BDH2: variants seen among roughly 807,000 people sequenced by gnomAD.
The protein encoded by BDH2 is dehydrogenase/reductase SDR family member 6.
BDH2 carries 24 observed loss-of-function variants against 33.2 expected under a neutral mutation model. That is an observed-to-expected ratio of 0.72 (90% CI 0.52 to 1.02). The LOEUF is 1.02. Among genes scored for constraint, BDH2 ranks in the 50% least tolerant of loss-of-function variants. The pLI, the probability that BDH2 is intolerant of heterozygous loss-of-function variation, is 0.00. For missense variants in BDH2, 249 were observed against 301.6 expected, an observed-to-expected ratio of 0.83 and a Z score of 1.29; for synonymous variants, 81 against 101.6, an observed-to-expected ratio of 0.80 and a Z score of 1.22.
intron 1 of BDH2, among the ~76,000 whole-genome samples, chr4:103,098,236 G>A (rs1450435678): frequency 6.6e-6 from 1 of 152,182 alleles, no homozygotes; most frequent in Admixed American, 6.5e-5. Context: ...AGGTGGATTG[G>A]AGAAGTGTTT....
rs869061463 is a variant in BDH2 at position 103,093,756 on chromosome 4, GTAT to G, written c.152-1063_152-1061del. Among the ~76,000 whole-genome samples the G allele has an allele frequency of 2.4e-3, 359 of 146,554 alleles. 2 individuals are homozygous for G. The highest frequency in any genetic ancestry group is 7.2e-3 in the Middle Eastern group (2 of 278). On this transcript the variant is annotated intron_variant, in intron 3 of 9. Transcript: ENST00000296424. ...TATAATATATAATTATCTATAATGT[GTAT>G]TATATTTTATAATTTATAATATATT... is the stretch of plus-strand genomic sequence containing the variant.
chr4:103,083,649 C>T (rs145144408), intron 7 of BDH2, among the ~76,000 whole-genome samples: 1 of 148,696 alleles, frequency 6.7e-6, no homozygotes, highest in Non-Finnish European at 1.5e-5. Context: ...CGGACATAAA[C>T]TGTTCATTCT....
chr4:103,085,582 T>G, intron 6 of BDH2, 120 bp from the exon 7 acceptor site: 1 of 1,432,734 alleles, frequency 7.0e-7, no homozygotes, highest in Non-Finnish European at 9.5e-7. Flanking sequence ...ATTCCTCCCC[T>G]TTTAAAAAGA....
chr4:103,081,053 C>T (rs1456335014), intron 9 of BDH2, among the ~76,000 whole-genome samples: 8 of 152,298 alleles, frequency 5.3e-5, no homozygotes, highest in South Asian at 2.1e-4. Context: ...TCCTCGCTCC[C>T]GCCTAGTCCC....
At chr4:103,084,392 C>A (rs1426438866) in intron 7 of BDH2, among the ~76,000 whole-genome samples, 4 of 152,220 alleles carry the variant, frequency 2.6e-5, no homozygotes, top group Admixed American at 1.3e-4. Context: ...ATACAACCAT[C>A]AGCAGCATCT....
At chr4:103,094,159 T>C (rs1241654438) in intron 3 of BDH2, among the ~76,000 whole-genome samples, 2 of 152,294 alleles carry the variant, frequency 1.3e-5, no homozygotes, top group Middle Eastern at 6.8e-3. Context: ...GGGTTTCTCA[T>C]GATGATGTGT....
In BDH2 at chr4:103,079,358, T is replaced by A. The variant is rs867012551; in HGVS notation, c.*344A>T. 1 of 189,938 alleles carries A rather than the reference T, an allele frequency of 5.3e-6. No individual in the cohort carries two copies. The highest frequency in any genetic ancestry group is 1.1e-4 in the South Asian group (1 of 8,834). The allele number at this position is 189,938 out of a possible 1,614,324, so 11.8% of individuals were successfully genotyped here. A position where few individuals can be genotyped will look rare whatever the true frequency, so the allele number is the denominator to read the frequency against. On this transcript the variant is annotated 3_prime_UTR_variant, in exon 10 of 10. Transcript: ENST00000296424. ...ATCTTGCACTTCCTAGCCTCCAGAC[T>A]GAAAAATAAATGTTTGTTGTCTATG... is the stretch of plus-strand genomic sequence containing the variant.
chr4:103,082,275 C>T, intron 8 of BDH2, 102 bp from the exon 9 acceptor site: 1 of 966,186 alleles, frequency 1.0e-6, no homozygotes. Flanking sequence ...CACTGGCTTG[C>T]TGCCTTGATG....
At position 103,095,113 on chromosome 4, in the gene BDH2, G is replaced by A. The variant is rs1316382300; in HGVS notation, c.151+90C>T. The A allele has an allele frequency of 5.1e-6, 5 of 980,030 alleles. No individual in the cohort carries two copies. The South Asian group carries it at 5.7e-5, about 11-fold the overall frequency. 60.7% of individuals were successfully genotyped at this position (980,030 alleles called of 1,614,324 possible). A position where few individuals can be genotyped will look rare whatever the true frequency, so the allele number is the denominator to read the frequency against. On this transcript the variant is annotated intron_variant, in intron 3 of 9. Transcript: ENST00000296424. Reference sequence around the variant, plus strand: ...AAAAGCACGGCAGTGGAGCTCAGTAGCTAGGGAATTTTCTTTCAACATGTG... The same window carrying A: ...AAAAGCACGGCAGTGGAGCTCAGTAACTAGGGAATTTTCTTTCAACATGTG...
intron 1 of BDH2, among the ~76,000 whole-genome samples, chr4:103,096,626 C>T (rs888046907): frequency 3.3e-5 from 5 of 151,218 alleles, no homozygotes; most frequent in African/African-American, 1.2e-4. Flanking sequence ...CTGCAACCTC[C>T]GCCTTTTAGG....
Position 103,091,281 on chromosome 4 carries a change from C to A in BDH2, c.253G>T (p.Val85Phe). 2.5e-6 allele frequency: 4 copies of A among 1,603,880 alleles called. No individual in the cohort carries two copies. Among genetic ancestry groups the A allele is most frequent in the South Asian group, 1.1e-5 (1 of 90,792 alleles). The stretch of plus-strand genomic sequence containing the variant: ...CAATCCAGGACAGTTCCATGATGGA[C>A]AAAACTAGAAGAGTGATTAAACAAT... The part of the protein sequence containing the change: ...LDVLFNVAGF[V>F]HHGTVLDCEE... Residue 85 changes from valine (V) to phenylalanine (F), a missense_variant, in exon 5 of 10, where the codon GTC (valine) becomes TTC (phenylalanine). Val to Phe is a conservative substitution (Grantham distance 50, BLOSUM62 -1). Transcript: ENST00000296424.
chr4:103,093,087 T>G (rs990106231), intron 3 of BDH2, among the ~76,000 whole-genome samples: 1 of 152,204 alleles, frequency 6.6e-6, no homozygotes, highest in Non-Finnish European at 1.5e-5. Flanking sequence ...CTTTGCAGCT[T>G]TTCTCTTAAT....
At chr4:103,079,894 G>C in intron 9 of BDH2, 139 bp from the exon 10 acceptor site, 1 of 744,714 alleles carries the variant, frequency 1.3e-6, no homozygotes, top group Non-Finnish European at 2.2e-6. Flanking sequence ...CTTAATTCAG[G>C]GAAATCCAAA....
chr4:103,079,881 A>T (rs1329452821), intron 9 of BDH2, 126 bp from the exon 10 acceptor site: 5 of 816,714 alleles, frequency 6.1e-6, no homozygotes, highest in Non-Finnish European at 1.0e-5. Flanking sequence ...CCTCACTTAA[A>T]CACTTAATTC....
intron 5 of BDH2, among the ~76,000 whole-genome samples, chr4:103,088,471 G>A (rs960901982): frequency 1.3e-5 from 2 of 152,146 alleles, no homozygotes; most frequent in Admixed American, 6.5e-5. Flanking sequence ...TTCAACCGAG[G>A]TCCCTCTGCT....
At chr4:103,098,193 C>T (rs2125814449) in intron 1 of BDH2, among the ~76,000 whole-genome samples, 1 of 152,198 alleles carries the variant, frequency 6.6e-6, no homozygotes, top group African/African-American at 2.4e-5. Flanking sequence ...GGTGAAATAG[C>T]AGGGCTGGAG....
In BDH2 at chr4:103,078,024, C is replaced by A. The variant is rs1335527239; in HGVS notation, c.*1678G>T. Among the ~76,000 whole-genome samples, 1 of 152,190 alleles carries A rather than the reference C, an allele frequency of 6.6e-6. No homozygotes were observed. The highest frequency in any genetic ancestry group is 1.5e-5 in the Non-Finnish European group (1 of 68,036). The stretch of plus-strand genomic sequence containing the variant: ...ACTGCATGATATTCTTCCCCATACA[C>A]AAAGTGTTATCTTTTTGTTGTCCAT... On this transcript the variant is annotated 3_prime_UTR_variant, in exon 10 of 10. Transcript: ENST00000296424.
At chr4:103,090,178 A>G (rs1748011308) in intron 5 of BDH2, among the ~76,000 whole-genome samples, 1 of 152,304 alleles carries the variant, frequency 6.6e-6, no homozygotes, top group African/African-American at 2.4e-5. Flanking sequence ...GTACCCAGTC[A>G]ACCCCTTTCA....
chr4:103,081,484 C>T (rs1202044294), intron 9 of BDH2, among the ~76,000 whole-genome samples: 2 of 152,064 alleles, frequency 1.3e-5, no homozygotes, highest in Admixed American at 6.5e-5. Flanking sequence ...TTAGTAGAGA[C>T]GAGGTTTCAC....
Sources: gnomAD v4.1 joint callset for allele counts (sites outside exome capture counted in the v4.1 genomes callset) on GRCh38, gnomAD v4.1.1 for gene constraint, MANE v1.5 for transcripts, NCBI Gene and HGNC (gene_info 2026-07-23, HGNC 2026-07-21) for gene names.